The following NOC2L variants were observed in gnomAD, a reference collection of about 807,000 sequenced individuals.
NOC2L encodes the protein NOC2 like nucleolar associated transcriptional repressor.
A neutral mutation model predicts 94.2 loss-of-function variants in NOC2L; 101 were observed. The observed-to-expected ratio is 1.07, with a 90% confidence interval of 0.91 to 1.26. The LOEUF is 1.26. NOC2L is among the 50% of genes most tolerant of loss of function. NOC2L has a pLI of 0.00. For synonymous variants in NOC2L, 531 were observed against 413.4 expected (o/e 1.28, Z -3.45); for missense variants, 1,076 against 980.1 (o/e 1.10, Z -1.31).
chr1:952,699 G>A (rs758497187), intron 9 of NOC2L, 99 bp from the exon 10 acceptor site: 5 of 1,223,540 alleles, frequency 4.1e-6, no homozygotes, highest in African/African-American at 1.5e-5. Context: ...TTCCCTCAGA[G>A]CTGGGCCTCG....
At chr1:952,203 C>G (rs545196524) in intron 10 of NOC2L, 64 bp from the exon 11 acceptor site, 2 of 1,580,032 alleles carry the variant, frequency 1.3e-6, no homozygotes, top group East Asian at 4.5e-5. Flanking sequence ...GCACGTTCCT[C>G]CTGGGCCGGC....
At position 952,559 on chromosome 1, in the gene NOC2L, C is replaced by T. The variant is rs766636878; in HGVS notation, c.1044G>A (p.Ser348=). Residue 348 remains serine, a synonymous_variant, in exon 10 of 19, where the codon TCG becomes TCA. Coordinates refer to ENST00000327044, the MANE Select transcript of NOC2L (RefSeq NM_015658.4). The part of the protein sequence containing the change: ...ITYVRNCKFT[S]PGALPFISFM... ...AACTGATGAAGGGGAGGGCACCAGG[C>T]GAGGTGAACTTGCAGTTCCTCACAT... The T allele has an allele frequency of 6.8e-6, 11 of 1,613,906 alleles. No homozygotes were observed. The highest frequency in any genetic ancestry group is 1.1e-5 in the South Asian group (1 of 91,082).
chr1:953,443 A>T (rs1642311728), intron 8 of NOC2L, among the ~76,000 whole-genome samples, 155 bp from the exon 9 acceptor site: 1 of 152,264 alleles, frequency 6.6e-6, no homozygotes, highest in Admixed American at 6.5e-5. Context: ...GCTCAGTTAC[A>T]GAAGTGAACA....
chr1:955,465 G>A (rs1642373863), intron 6 of NOC2L, among the ~76,000 whole-genome samples: 1 of 152,154 alleles, frequency 6.6e-6, no homozygotes, highest in African/African-American at 2.4e-5. Context: ...GGCCTTCTCT[G>A]CCCAATCTTT....
rs1436271557 is a variant in NOC2L, at chr1:946,361, GCAGGTGCCCT to G, written c.1803+31_1803+40del. 4 of 1,613,166 alleles carry G rather than the reference GCAGGTGCCCT, an allele frequency of 2.5e-6. No homozygotes were observed. In the Admixed American group the frequency reaches 6.7e-5, roughly 27 times the overall value. On this transcript the variant is annotated intron_variant, in intron 15 of 18. Transcript: ENST00000327044. ...CACATGTAGCTGGGGCTATACCCTGGCAGGTGCCCTCAGGTGGCACTACCCCCAGGGCCCA... is the reference window on the plus strand; with the variant it reads ...CACATGTAGCTGGGGCTATACCCTGGCAGGTGGCACTACCCCCAGGGCCCA...
chr1:957,056 G>A (rs1289334021), intron 3 of NOC2L, 31 bp from the exon 4 acceptor site: 4 of 1,613,912 alleles, frequency 2.5e-6, no homozygotes, highest in African/African-American at 1.3e-5. Flanking sequence ...GAAGGAGAGT[G>A]TAGAGACAAG....
At chr1:954,348 C>G in intron 6 of NOC2L, 1 of 439,336 alleles carries the variant, frequency 2.3e-6, no homozygotes, top group Non-Finnish European at 4.0e-6. Context: ...TAAGAGTCCC[C>G]GGAAGTCCCA....
In NOC2L at chr1:956,997, T is replaced by G. The variant is rs1387564328; in HGVS notation, c.383A>C (p.Glu128Ala). 3.7e-6 allele frequency: 6 copies of G among 1,614,078 alleles called. No homozygotes were observed. The highest frequency in any genetic ancestry group is 4.2e-6 in the Non-Finnish European group (5 of 1,180,032). The change falls in exon 4 of 19, where the codon GAG becomes GCG. Residue 128 changes from glutamate (E) to alanine (A), a missense_variant. By Grantham distance (107) the Glu-to-Ala change is moderately radical. Around this residue, in one of 3 missense-constraint regions of NOC2L, gnomAD observed 457 missense variants for 386.0 expected, o/e 1.18. Transcript: ENST00000327044. Reference protein sequence around the residue: ...EEASEEEDGAEEGEDGDRVPR... With the variant: ...EEASEEEDGAAEGEDGDRVPR... ...GACTCTGTCCCCATCTTCTCCTTCC[T>G]CCGCTCCATCCTCCTCCTCACTGGC... is the stretch of plus-strand genomic sequence containing the variant.
intron 11 of NOC2L, 149 bp from the exon 12 acceptor site, chr1:951,387 T>A: frequency 1.5e-6 from 1 of 646,860 alleles, no homozygotes; most frequent in Non-Finnish European, 2.8e-6. Context: ...CCTGCACCCC[T>A]TGCCCAGCTA....
intron 8 of NOC2L, 58 bp downstream of exon 8, chr1:953,724 G>C: frequency 7.8e-7 from 1 of 1,277,274 alleles, no homozygotes; most frequent in Non-Finnish European, 1.1e-6. Context: ...TGTGGTGGGG[G>C]TAGCCGTGTG....
Position 952,562 on chromosome 1 carries a change from G to A in NOC2L, c.1041C>T (p.Thr347=), listed in dbSNP as rs1245498613. 3 of 1,613,796 alleles carry A rather than the reference G, an allele frequency of 1.9e-6. No individual in the cohort carries two copies. Among genetic ancestry groups the A allele is most frequent in the Non-Finnish European group, 2.5e-6 (3 of 1,180,038 alleles). ...TGATGAAGGGGAGGGCACCAGGCGA[G>A]GTGAACTTGCAGTTCCTCACATACG... The part of the protein sequence containing the change: ...YITYVRNCKF[T]SPGALPFISF... Residue 347 remains threonine, a synonymous_variant, in exon 10 of 19, where the codon ACC becomes ACT. Transcript: ENST00000327044.
In NOC2L at chr1:945,620, T is replaced by C; in HGVS notation, c.1951A>G (p.Arg651Gly). ...TCATCCTTCCTGTCAGCCATCTTCCTTCGTTTGATCTCAGGGAAGTTCAGG... is the reference window on the plus strand; with the variant it reads ...TCATCCTTCCTGTCAGCCATCTTCCCTCGTTTGATCTCAGGGAAGTTCAGG... The part of the protein sequence containing the change: ...EDLNFPEIKR[R>G]KMADRKDEDR... Residue 651 changes from arginine to glycine, a missense_variant, in exon 17 of 19, where the codon AGG becomes GGG. Coordinates refer to ENST00000327044, the MANE Select transcript of NOC2L (RefSeq NM_015658.4). 1.2e-6 allele frequency: 2 copies of C among 1,614,156 alleles called. No homozygotes were observed. Among genetic ancestry groups the C allele is most frequent in the South Asian group, 1.1e-5 (1 of 91,082 alleles).
intron 11 of NOC2L, among the ~76,000 whole-genome samples, chr1:951,645 G>A (rs555325901): frequency 1.2e-4 from 19 of 152,158 alleles, no homozygotes; most frequent in South Asian, 1.0e-3. Context: ...CCTCCTAAGC[G>A]CTCACACCCA....
In NOC2L at chr1:946,158, C is replaced by G. The variant is rs746805820; in HGVS notation, c.1917+15G>C. 16 of 1,587,242 alleles carry G rather than the reference C, an allele frequency of 1.0e-5. No individual in the cohort carries two copies. Among genetic ancestry groups the G allele is most frequent in the Non-Finnish European group, 1.4e-5 (16 of 1,160,982 alleles). ...AAGTCACAACACACCCCCAGGTCCCCTCGCCGAGCCGCACCCGCTCTTTGC... is the reference window on the plus strand; with the variant it reads ...AAGTCACAACACACCCCCAGGTCCCGTCGCCGAGCCGCACCCGCTCTTTGC... On this transcript the variant is annotated intron_variant, in intron 16 of 18. Transcript: ENST00000327044.
rs898378523 is a variant in NOC2L, at chr1:944,521, C to A, written c.*173G>T. 4.8e-6 allele frequency: 3 copies of A among 628,288 alleles called. No individual in the cohort carries two copies. Among genetic ancestry groups the A allele is most frequent in the Non-Finnish European group, 5.4e-6 (2 of 373,112 alleles). The allele number at this position is 628,288 out of a possible 1,614,324, so 38.9% of individuals were successfully genotyped here. On this transcript the variant is annotated 3_prime_UTR_variant, in exon 19 of 19. Transcript: ENST00000327044. ...CAGCAGCCACACCAGCCCAGCCCAG[C>A]CCAGCTCTCGATACGTTTGGTCTTT...
chr1:958,935 G>A lies in NOC2L; in HGVS notation c.173C>T (p.Ser58Leu), dbSNP rs201512962. 281 of 1,612,762 alleles carry A rather than the reference G, an allele frequency of 1.7e-4. No individual in the cohort carries two copies. The highest frequency in any genetic ancestry group is 2.2e-4 in the South Asian group (20 of 91,086). The change falls in exon 2 of 19, where the codon TCG becomes TTG. Residue 58 changes from serine to leucine, a missense_variant. Ser to Leu is a moderately radical substitution (Grantham distance 145, BLOSUM62 -2). Transcript: ENST00000327044. ...RSPDKPGGSP[S>L]ASRRKGRASE... ...CACGCATGTCCCCACTAACCTGGCCGAGGGGCTCCCGCCCGGCTTATCCGG... is the reference window on the plus strand; with the variant it reads ...CACGCATGTCCCCACTAACCTGGCCAAGGGGCTCCCGCCCGGCTTATCCGG...
rs758112074 is a variant in NOC2L at position 946,131 on chromosome 1, G to A, written c.1917+42C>T. 6.4e-6 allele frequency: 9 copies of A among 1,409,318 alleles called. No individual in the cohort carries two copies. In the East Asian group the frequency reaches 1.6e-4, roughly 25 times the overall value. The allele number at this position is 1,409,318 out of a possible 1,614,324, so 87.3% of individuals were successfully genotyped here. On this transcript the variant is annotated intron_variant, in intron 16 of 18. Coordinates refer to ENST00000327044, the MANE Select transcript of NOC2L (RefSeq NM_015658.4). ...CATAGTGCGCTAGATCTGAAACCCA[G>A]GAAGTCACAACACACCCCCAGGTCC... is the stretch of plus-strand genomic sequence containing the variant.
At chr1:957,304 G>C (rs780878585) in intron 2 of NOC2L, 31 bp from the exon 3 acceptor site, 1 of 1,608,744 alleles carries the variant, frequency 6.2e-7, no homozygotes. Flanking sequence ...GACCCCAGTG[G>C]GAAGTGGAAG....
At chr1:951,721 C>T (rs1414591258) in intron 11 of NOC2L, among the ~76,000 whole-genome samples, 1 of 152,256 alleles carries the variant, frequency 6.6e-6, no homozygotes, top group Non-Finnish European at 1.5e-5. Context: ...AAACTCACTG[C>T]AAACTGCACA....
Sources: allele counts gnomAD v4.1 joint callset (sites outside exome capture counted in the v4.1 genomes callset), GRCh38; gene constraint gnomAD v4.1.1; regional missense constraint gnomAD v4.1.1; transcripts MANE v1.5; gene names NCBI Gene and HGNC (gene_info 2026-07-23, HGNC 2026-07-21).